The following BCL2L14 variants were observed in gnomAD, a reference collection of about 807,000 sequenced individuals.
BCL2L14 encodes BCL2 like 14.
BCL2L14 carries 27 observed loss-of-function variants against 35.3 expected under a neutral mutation model. That is an observed-to-expected ratio of 0.76 (90% CI 0.56 to 1.05). The LOEUF (loss-of-function observed/expected upper bound fraction) is 1.05. BCL2L14 is among the 50% of genes least tolerant of loss of function. BCL2L14 has a pLI of 0.00. For missense variants in BCL2L14, 377 were observed against 382.6 expected (o/e 0.99, Z 0.12); for synonymous variants, 139 against 145.9 (o/e 0.95, Z 0.34).
upstream of BCL2L14, among the ~76,000 whole-genome samples, chr12:12,070,110 A>G (rs1272814165): frequency 3.3e-5 from 5 of 152,200 alleles, no homozygotes; most frequent in Admixed American, 2.6e-4. Flanking sequence ...AGGGAATTCC[A>G]TCTCTAAAGT....
At chr12:12,066,312 T>C (rs1290738882), upstream of BCL2L14, among the ~76,000 whole-genome samples, 1 of 152,214 alleles carries the variant, frequency 6.6e-6, no homozygotes, top group African/African-American at 2.4e-5. Flanking sequence ...TTGAGTTTCA[T>C]CATTGATATC....
intron 4 of BCL2L14, among the ~76,000 whole-genome samples, chr12:12,093,164 G>A (rs1949230619): frequency 6.6e-6 from 1 of 152,186 alleles, no homozygotes; most frequent in Non-Finnish European, 1.5e-5. Context: ...AGGCCGGGAG[G>A]TAAAATCAAT....
At chr12:12,065,966 T>G (rs531074798), upstream of BCL2L14, among the ~76,000 whole-genome samples, 1 of 152,176 alleles carries the variant, frequency 6.6e-6, no homozygotes, top group Non-Finnish European at 1.5e-5. Flanking sequence ...AATTTTTGTA[T>G]TTTTAGTAGA....
At chr12:12,077,161 C>T (rs1948799196) in intron 1 of BCL2L14, among the ~76,000 whole-genome samples, 1 of 152,138 alleles carries the variant, frequency 6.6e-6, no homozygotes, top group African/African-American at 2.4e-5. Context: ...ACTGCAGCTT[C>T]TTTATCATCA....
At chr12:12,098,842 TCCTGAGCCTCGGGTCACG>T in intron 5 of BCL2L14, 90 bp from the exon 6 acceptor site, 9 of 796,254 alleles carry the variant, frequency 1.1e-5, no homozygotes, top group Non-Finnish European at 2.0e-5. Flanking sequence ...TAACATGGTC[TCCTGAGCCTCGGGTCACG>T]CCTGGGATAG....
chr12:12,075,431 TTC>T (rs1948760340), intron 1 of BCL2L14, among the ~76,000 whole-genome samples: 4 of 123,500 alleles, frequency 3.2e-5, no homozygotes, highest in African/African-American at 8.3e-5. Context: ...CTTTCTTTCT[TTC>T]TTTTTTTTTT....
chr12:12,085,083 CAAAAA>C (rs11296787), intron 2 of BCL2L14, among the ~76,000 whole-genome samples: 12 of 85,456 alleles, frequency 1.4e-4, no homozygotes, highest in East Asian at 3.6e-4. Flanking sequence ...GACTCCGTCT[CAAAAA>C]AAAAAAAAAA....
At chr12:12,095,155 T>A in intron 5 of BCL2L14, 1 of 985,292 alleles carries the variant, frequency 1.0e-6, no homozygotes, top group Non-Finnish European at 1.2e-6. Flanking sequence ...GCAGGGTATG[T>A]GTGGATGGAA....
In BCL2L14 at chr12:12,099,064, A is replaced by T. The variant is rs1278223834; in HGVS notation, c.*76A>T. ...ACGTTGGCCTCAGATGGACTACAGG[A>T]GATTACAACGTACAAGGCAGATGGA... On this transcript the variant is annotated 3_prime_UTR_variant, in exon 6 of 6. Transcript: ENST00000308721. 6 of 1,046,668 alleles carry T rather than the reference A, an allele frequency of 5.7e-6. No homozygotes were observed. Among genetic ancestry groups the T allele is most frequent in the Non-Finnish European group, 9.0e-6 (6 of 666,838 alleles). 64.8% of individuals were successfully genotyped at this position (1,046,668 alleles called of 1,614,324 possible).
Position 12,079,422 on chromosome 12 carries a change from C to A in BCL2L14, c.117C>A (p.Thr39=). The A allele has an allele frequency of 1.2e-6, 2 of 1,614,106 alleles. No homozygotes were observed. Among genetic ancestry groups the A allele is most frequent in the South Asian group, 1.1e-5 (1 of 91,076 alleles). The change falls in exon 2 of 6, where the codon ACC becomes ACA. Residue 39 remains threonine (T), a synonymous_variant. Coordinates refer to ENST00000308721, the MANE Select transcript of BCL2L14 (RefSeq NM_138723.2). ...YYTRHHVFKS[T]PALFSPKLLR... ...CCAGACATCATGTCTTCAAGAGCAC[C>A]CCTGCTCTCTTCTCACCAAAGCTGC... is the stretch of plus-strand genomic sequence containing the variant.
At chr12:12,058,922 C>T (rs545137568) in intron 2 of BCL2L14, among the ~76,000 whole-genome samples, 15 of 152,348 alleles carry the variant, frequency 9.8e-5, no homozygotes, top group East Asian at 7.7e-4. Context: ...TCACCAATTT[C>T]AAATCCAGTA....
intron 2 of BCL2L14, among the ~76,000 whole-genome samples, chr12:12,056,793 G>T (rs971195370): frequency 6.6e-6 from 1 of 151,896 alleles, no homozygotes; most frequent in African/African-American, 2.4e-5. Context: ...CCGAGATTGC[G>T]CCACTGCACT....
rs975942004 is a variant in BCL2L14, at chr12:12,099,378, C to T, written c.*390C>T. 9.4e-5 allele frequency: 18 copies of T among 191,248 alleles called. No homozygotes were observed. The highest frequency in any genetic ancestry group is 7.7e-4 in the Admixed American group (13 of 16,896). 11.8% of individuals were successfully genotyped at this position (191,248 alleles called of 1,614,324 possible). A position where few individuals can be genotyped will look rare whatever the true frequency, so the allele number is the denominator to read the frequency against. Reference sequence around the variant, plus strand: ...TAAACTGTGCATGTGTTTCCACTTCCGTTTCTAGTACTATTTATTTTTAAA... The same window carrying T: ...TAAACTGTGCATGTGTTTCCACTTCTGTTTCTAGTACTATTTATTTTTAAA... On this transcript the variant is annotated 3_prime_UTR_variant, in exon 6 of 6. Coordinates refer to ENST00000308721, the MANE Select transcript of BCL2L14 (RefSeq NM_138723.2).
At chr12:12,074,903 A>C (rs570958735) in intron 1 of BCL2L14, among the ~76,000 whole-genome samples, 1 of 152,212 alleles carries the variant, frequency 6.6e-6, no homozygotes, top group African/African-American at 2.4e-5. Context: ...TTGGCCTCCT[A>C]AGGTGGTGGG....
At chr12:12,066,901 G>A (rs919920582), upstream of BCL2L14, among the ~76,000 whole-genome samples, 2 of 151,850 alleles carry the variant, frequency 1.3e-5, no homozygotes, top group African/African-American at 2.4e-5. Flanking sequence ...TAGTAGAGAC[G>A]GGGTTTCGCT....
At chr12:12,083,490 C>T (rs1219377834) in intron 2 of BCL2L14, among the ~76,000 whole-genome samples, 1 of 152,196 alleles carries the variant, frequency 6.6e-6, no homozygotes, top group Non-Finnish European at 1.5e-5. Context: ...ACGATTTGCT[C>T]ACGTGGAATG....
chr12:12,092,701 G>A (rs1949216708), intron 4 of BCL2L14, among the ~76,000 whole-genome samples: 1 of 152,158 alleles, frequency 6.6e-6, no homozygotes, highest in Admixed American at 6.5e-5. Context: ...TCCTCCATTG[G>A]GAAACTGATG....
At chr12:12,096,929 G>A (rs1481152969) in intron 5 of BCL2L14, among the ~76,000 whole-genome samples, 1 of 152,166 alleles carries the variant, frequency 6.6e-6, no homozygotes, top group African/African-American at 2.4e-5. Context: ...GGATCACGAG[G>A]TCAGGAGATC....
At chr12:12,096,681 G>A (rs1226303653) in intron 5 of BCL2L14, among the ~76,000 whole-genome samples, 1 of 152,158 alleles carries the variant, frequency 6.6e-6, no homozygotes, top group Non-Finnish European at 1.5e-5. Flanking sequence ...GCAAATCAAA[G>A]CAACATTGAG....
Sources: allele counts gnomAD v4.1 joint callset (sites outside exome capture counted in the v4.1 genomes callset), GRCh38; gene constraint gnomAD v4.1.1; transcripts MANE v1.5; gene names NCBI Gene and HGNC (gene_info 2026-07-23, HGNC 2026-07-21).